Variants in KCNMA1 observed in about 807,000 individuals in gnomAD.
KCNMA1 encodes potassium calcium-activated channel subfamily M alpha 1.
In KCNMA1, 29 loss-of-function variants were observed where a neutral mutation model predicts 140.0. That is an observed-to-expected ratio of 0.21 (90% confidence interval 0.15 to 0.28). KCNMA1 has a LOEUF of 0.28. Ranked by LOEUF, KCNMA1 falls within the 10% of genes least tolerant of loss-of-function variation. The probability of loss-of-function intolerance (pLI) is 1.00; values close to 1 mark genes in which losing one functional copy is unlikely to be tolerated. For missense variants in KCNMA1, 880 were observed against 1,602.2 expected (o/e 0.55, Z 7.70); for synonymous variants, 612 against 611.9 (o/e 1.00, Z 0.00).
chr10:77,590,710 C>A (rs1023834868), intron 1 of KCNMA1, among the ~76,000 whole-genome samples: 1 of 152,172 alleles, frequency 6.6e-6, no homozygotes, highest in South Asian at 2.1e-4. Flanking sequence ...GCGCCCAGAG[C>A]GAGCGAGGGC....
chr10:76,962,352 T>C (rs1008671671), intron 20 of KCNMA1, among the ~76,000 whole-genome samples: 1 of 152,242 alleles, frequency 6.6e-6, no homozygotes, highest in African/African-American at 2.4e-5. Flanking sequence ...AGACCTCATG[T>C]CTTATCACAC....
At chr10:77,507,119 T>G (rs2046424185) in intron 1 of KCNMA1, among the ~76,000 whole-genome samples, 1 of 152,210 alleles carries the variant, frequency 6.6e-6, no homozygotes, top group African/African-American at 2.4e-5. Flanking sequence ...TTTGTTTCCA[T>G]AGTCTATAAA....
chr10:77,131,448 C>T (rs929809233), intron 5 of KCNMA1, among the ~76,000 whole-genome samples: 59 of 151,842 alleles, frequency 3.9e-4, no homozygotes, highest in Admixed American at 3.5e-3. Flanking sequence ...ATCACACAGG[C>T]GTAACACTGA....
intron 25 of KCNMA1, chr10:76,904,032 A>T (rs1260067805): frequency 1.3e-5 from 2 of 152,274 alleles, no homozygotes; most frequent in Admixed American, 1.3e-4. Flanking sequence ...ACATATATGT[A>T]CATGCATATA....
In KCNMA1 at chr10:77,382,959, CGTGTGTGTGT is replaced by C. The variant is rs57049025; in HGVS notation, c.540+20893_540+20902del. Among the ~76,000 whole-genome samples the C allele has an allele frequency of 4.0e-4, 31 of 76,984 alleles. 2 individuals are homozygous for C. Among genetic ancestry groups the C allele is most frequent in the African/African-American group, 7.1e-4 (15 of 21,252 alleles). The allele number at this position is 76,984 out of a possible 152,430, so 50.5% of individuals were successfully genotyped here. On this transcript the variant is annotated intron_variant, in intron 2 of 27. Transcript: ENST00000286628. ...ATATATACACATATACATATATATA[CGTGTGTGTGT>C]GTGTGTGTGTGTGTGTGTGTGTGTG...
intron 23 of KCNMA1, among the ~76,000 whole-genome samples, chr10:76,932,711 A>G (rs1022008742): frequency 1.3e-5 from 2 of 151,914 alleles, no homozygotes; most frequent in Non-Finnish European, 2.9e-5. Flanking sequence ...CTGTTCCTTA[A>G]CCCTCCATGA....
intron 15 of KCNMA1, among the ~76,000 whole-genome samples, chr10:77,033,375 G>C (rs1285130087): frequency 6.6e-6 from 1 of 151,944 alleles, no homozygotes; most frequent in Non-Finnish European, 1.5e-5. Context: ...TGATAGGAGT[G>C]GAGTGGGAAG....
chr10:76,877,629 C>T, downstream of KCNMA1: 1 of 1,006,196 alleles, frequency 9.9e-7, no homozygotes, highest in Non-Finnish European at 1.5e-6. Context: ...TCTGGCAATT[C>T]TTGCTTATCC....
chr10:77,376,181 G>T (rs1332444775), intron 2 of KCNMA1, among the ~76,000 whole-genome samples: 1 of 152,196 alleles, frequency 6.6e-6, no homozygotes, highest in Non-Finnish European at 1.5e-5. Context: ...GTATACTGTG[G>T]TGCTATGACC....
chr10:77,127,071 AACACACACACACACACACACAC>A (rs60249347), intron 5 of KCNMA1, among the ~76,000 whole-genome samples: 16,724 of 146,234 alleles, frequency 0.11, 2,177 homozygotes, highest in East Asian at 0.66. Flanking sequence ...CACACACACA[AACACACACACACACACACACAC>A]ACACACACAC....
intron 1 of KCNMA1, among the ~76,000 whole-genome samples, chr10:77,610,868 T>A (rs2154568002): frequency 6.6e-6 from 1 of 152,330 alleles, no homozygotes; most frequent in South Asian, 2.1e-4. Context: ...AAAGAAGGAA[T>A]TTTATCTCAA....
chr10:77,508,565 CTTTTTTTTTTCTTTTCTT>C (rs2047042618), intron 1 of KCNMA1, among the ~76,000 whole-genome samples: 1 of 124,430 alleles, frequency 8.0e-6, no homozygotes, highest in Non-Finnish European at 1.6e-5. Context: ...TTTCCTTTTT[CTTTTTTTTTTCTTTTCTT>C]TTTTTTTTTT....
At chr10:77,268,418 G>A (rs191898872) in intron 2 of KCNMA1, among the ~76,000 whole-genome samples, 1 of 152,250 alleles carries the variant, frequency 6.6e-6, no homozygotes, top group East Asian at 1.9e-4. Flanking sequence ...GCTGCTAGTG[G>A]TCTGCTGATG....
chr10:77,590,339 C>T (rs908071876), intron 1 of KCNMA1, among the ~76,000 whole-genome samples: 4 of 152,212 alleles, frequency 2.6e-5, no homozygotes, highest in Non-Finnish European at 4.4e-5. Flanking sequence ...GGGGGCGGCG[C>T]TCCTCGGGGA....
chr10:77,022,347 C>T (rs1230313598), intron 16 of KCNMA1, among the ~76,000 whole-genome samples: 1 of 152,170 alleles, frequency 6.6e-6, no homozygotes, highest in African/African-American at 2.4e-5. Flanking sequence ...AGAATTCCAA[C>T]AAGGACATGT....
intron 1 of KCNMA1, among the ~76,000 whole-genome samples, chr10:77,479,017 G>C (rs2098333428): frequency 6.6e-6 from 1 of 152,134 alleles, no homozygotes; most frequent in African/African-American, 2.4e-5. Context: ...AATATATTTG[G>C]GGGAAAATAA....
intron 5 of KCNMA1, among the ~76,000 whole-genome samples, chr10:77,177,367 C>T (rs1353353019): frequency 7.1e-6 from 1 of 141,682 alleles, no homozygotes; most frequent in Non-Finnish European, 1.5e-5. Context: ...TCCTTGCTTC[C>T]TTTCTTCCTT....
intron 2 of KCNMA1, among the ~76,000 whole-genome samples, chr10:77,289,899 A>G (rs2072561814): frequency 3.3e-5 from 5 of 152,194 alleles, no homozygotes; most frequent in Admixed American, 3.3e-4. Context: ...GTTCTAACTG[A>G]GAAAAAAAAA....
chr10:77,183,637 C>A, intron 4 of KCNMA1, 105 bp from the exon 5 acceptor site: 4 of 770,602 alleles, frequency 5.2e-6, no homozygotes, highest in Non-Finnish European at 9.0e-6. Context: ...TTTCATAGGG[C>A]CACCACGCCC....
Sources: allele counts gnomAD v4.1 joint callset (sites outside exome capture counted in the v4.1 genomes callset), GRCh38; gene constraint gnomAD v4.1.1; transcripts MANE v1.5; gene names NCBI Gene and HGNC (gene_info 2026-07-23, HGNC 2026-07-21).